ADAM8: variants seen among roughly 807,000 people sequenced by gnomAD.
The protein encoded by ADAM8 is disintegrin and metalloproteinase domain-containing protein 8.
ADAM8 carries 104 observed loss-of-function variants against 102.4 expected under a neutral mutation model. The observed-to-expected ratio is 1.02, with a 90% CI of 0.87 to 1.20. ADAM8 has a LOEUF of 1.20. Ranked by LOEUF, ADAM8 falls within the 50% of genes most tolerant of loss-of-function variation. The pLI is 0.00. For missense variants in ADAM8, 1,132 were observed against 1,159.0 expected, an observed-to-expected ratio of 0.98 and a Z score of 0.34; for synonymous variants, 517 against 485.2, an observed-to-expected ratio of 1.07 and a Z score of -0.86.
intron 19 of ADAM8, 38 bp from the exon 20 acceptor site, chr10:133,268,156 C>A: frequency 8.0e-7 from 1 of 1,251,014 alleles, no homozygotes; most frequent in Non-Finnish European, 1.0e-6. Context: ...CAGTGTCCGG[C>A]CATGGGGCCC....
chr10:133,267,116 AGC>A (rs1846347674), intron 21 of ADAM8, among the ~76,000 whole-genome samples: 1 of 152,098 alleles, frequency 6.6e-6, no homozygotes, highest in Admixed American at 6.5e-5. Context: ...AAGGAGAAGG[AGC>A]CAGGACCCCC....
In ADAM8 at chr10:133,263,718, C is replaced by G. The variant is rs764261411; in HGVS notation, c.2367G>C (p.Gly789=). 1.3e-5 allele frequency: 20 copies of G among 1,571,000 alleles called. No individual in the cohort carries two copies. Among genetic ancestry groups the G allele is most frequent in the Non-Finnish European group, 1.7e-5 (20 of 1,158,362 alleles). ...CTGGACCAGGGTTGGCCGCACCAGC[C>G]CCGGGTTTGACTGGGGGCACTGGGG... ...FAPPVPPVKP[G]AGAANPGPAE... Residue 789 remains glycine (G), a synonymous_variant, in exon 22 of 23, where the codon GGG becomes GGC. Coordinates refer to ENST00000445355, the MANE Select transcript of ADAM8 (RefSeq NM_001109.5).
At chr10:133,272,061 C>G in intron 10 of ADAM8, 107 bp from the exon 11 acceptor site, 1 of 1,545,816 alleles carries the variant, frequency 6.5e-7, no homozygotes. Flanking sequence ...CCAACACCAC[C>G]TTAAAACATA....
At position 133,273,978 on chromosome 10, in the gene ADAM8, G is replaced by A. The variant is rs200043685; in HGVS notation, c.279C>T (p.Ser93=). 6.0e-5 allele frequency: 96 copies of A among 1,606,052 alleles called. No homozygotes were observed. The highest frequency in any genetic ancestry group is 3.0e-4 in the Admixed American group (18 of 59,366). Residue 93 remains serine (S), a synonymous_variant, in exon 4 of 23, where the codon TCC becomes TCT. Coordinates refer to ENST00000445355, the MANE Select transcript of ADAM8 (RefSeq NM_001109.5). The part of the protein sequence containing the change: ...YTETYTAANG[S]EVTEQPRGQD... Reference sequence around the variant, plus strand: ...GCCCGCGAGGCTGCTCCGTCACCTCGGAGCCATTGGCAGCCGTATAGGTCT... The same window carrying A: ...GCCCGCGAGGCTGCTCCGTCACCTCAGAGCCATTGGCAGCCGTATAGGTCT...
rs79659580 is a variant in ADAM8 at position 133,263,177 on chromosome 10, G to A, written c.2454C>T (p.Ala818=). The part of the protein sequence containing the change: ...LKPPIQRKQG[A]GAPTAP ...CCCCCTAGGGTGCTGTGGGAGCTCCGGCTCCTTGCTTCCTCTGGATGGGGG... is the reference window on the plus strand; with the variant it reads ...CCCCCTAGGGTGCTGTGGGAGCTCCAGCTCCTTGCTTCCTCTGGATGGGGG... The change falls in exon 23 of 23, where the codon GCC becomes GCT. Residue 818 remains alanine, a synonymous_variant. Coordinates refer to ENST00000445355, the MANE Select transcript of ADAM8 (RefSeq NM_001109.5). 1.0e-4 allele frequency: 167 copies of A among 1,613,802 alleles called. No individual in the cohort carries two copies. The Admixed American group carries it at 1.2e-3, about 11-fold the overall frequency.
In ADAM8 at chr10:133,270,359, C is replaced by T; in HGVS notation, c.1785+1G>A. On this transcript the variant is annotated splice_donor_variant, in intron 16 of 22. Coordinates refer to ENST00000445355, the MANE Select transcript of ADAM8 (RefSeq NM_001109.5). LOFTEE classifies it high-confidence loss of function. ...GCGCGGCCTCTGAGCCAGGGGCTCA[C>T]CTTCTCTGGTCCACACCGGGTGCCC... 1 of 1,581,484 alleles carries T rather than the reference C, an allele frequency of 6.3e-7. No homozygotes were observed. Among genetic ancestry groups the T allele is most frequent in the Admixed American group, 1.7e-5 (1 of 58,338 alleles).
At chr10:133,272,906 C>A (rs760141802) in intron 7 of ADAM8, 40 bp from the exon 8 acceptor site, 2 of 1,611,398 alleles carry the variant, frequency 1.2e-6, no homozygotes, top group Non-Finnish European at 1.7e-6. Flanking sequence ...CCACACACCC[C>A]CCATGCCCCC....
chr10:133,274,127 C>G, intron 3 of ADAM8, 32 bp downstream of exon 3: 3 of 1,582,280 alleles, frequency 1.9e-6, no homozygotes, highest in East Asian at 2.3e-5. Flanking sequence ...GAGCCAGGCC[C>G]GGGCAGGGGG....
At position 133,271,272 on chromosome 10, in the gene ADAM8, G is replaced by A. The variant is rs1244450246; in HGVS notation, c.1302C>T (p.Cys434=). 15 of 1,610,690 alleles carry A rather than the reference G, an allele frequency of 9.3e-6. No homozygotes were observed. The highest frequency in any genetic ancestry group is 1.3e-5 in the Non-Finnish European group (15 of 1,179,696). Residue 434 remains cysteine, a synonymous_variant, in exon 13 of 23, where the codon TGC becomes TGT. Transcript: ENST00000445355. ...CCAGCTGGCAGGTGGTAGAGTTGCA[G>A]CAGCGGTTCCGGCAGTCCTGGGGCG... ...CGPPEDCRNR[C]CNSTTCQLAE...
At chr10:133,263,642 C>CACTCTCA in intron 22 of ADAM8, 46 bp downstream of exon 22, 1 of 1,481,918 alleles carries the variant, frequency 6.7e-7, no homozygotes, top group Non-Finnish European at 9.0e-7. Context: ...GAGGCCGTGC[C>CACTCTCA]GTCCATTGCA....
chr10:133,273,594 G>A, intron 5 of ADAM8, 151 bp from the exon 6 acceptor site: 1 of 1,260,718 alleles, frequency 7.9e-7, no homozygotes, highest in Non-Finnish European at 1.1e-6. Flanking sequence ...GGGTACAGGA[G>A]GGTGAGCCTC....
At chr10:133,267,866 G>C in intron 20 of ADAM8, 63 bp downstream of exon 20, 1 of 1,242,416 alleles carries the variant, frequency 8.0e-7, no homozygotes. Context: ...CTGCACTTGG[G>C]GTCGCAGGAT....
chr10:133,267,620 TTG>T (rs1166632929), intron 20 of ADAM8, among the ~76,000 whole-genome samples: 5 of 152,172 alleles, frequency 3.3e-5, no homozygotes, highest in African/African-American at 1.2e-4. Flanking sequence ...CGGAGAGCAT[TTG>T]TGTCTCGACA....
intron 1 of ADAM8, chr10:133,275,911 T>G: frequency 1.0e-4 from 28 of 277,498 alleles, no homozygotes; most frequent in Non-Finnish European, 1.1e-4. Flanking sequence ...AGGATGAACC[T>G]TCCCCCCAGG....
At chr10:133,266,358 T>C (rs2995308) in intron 21 of ADAM8, among the ~76,000 whole-genome samples, 135,154 of 152,128 alleles carry the variant, frequency 0.89, 60,106 homozygotes, top group East Asian at 0.94. Context: ...GCATGCAGGA[T>C]TCTCTAGGCT....
In ADAM8 at chr10:133,270,904, T is replaced by C; in HGVS notation, c.1541A>G (p.Gln514Arg). ...YNGACPTLAQ[Q>R]CQAFWGPGGQ... Reference sequence around the variant, plus strand: ...ACCTGGCCCCCAGAAGGCCTGGCACTGCTGGGCCAGTGTGGGACAGGCCCC... The same window carrying C: ...ACCTGGCCCCCAGAAGGCCTGGCACCGCTGGGCCAGTGTGGGACAGGCCCC... Residue 514 changes from glutamine to arginine, a missense_variant, in exon 14 of 23, where the codon CAG (glutamine) becomes CGG (arginine). Gln to Arg is a conservative substitution (Grantham distance 43). Transcript: ENST00000445355. The C allele has an allele frequency of 1.9e-6, 3 of 1,612,108 alleles. No individual in the cohort carries two copies. The highest frequency in any genetic ancestry group is 2.5e-6 in the Non-Finnish European group (3 of 1,179,474).
intron 2 of ADAM8, 80 bp from the exon 3 acceptor site, chr10:133,274,315 A>C: frequency 3.1e-6 from 4 of 1,307,310 alleles, no homozygotes; most frequent in Non-Finnish European, 4.0e-6. Context: ...AGAGAAGCTC[A>C]GCTGGGGGGG....
intron 4 of ADAM8, 36 bp from the exon 5 acceptor site, chr10:133,273,874 GC>G: frequency 6.4e-7 from 1 of 1,550,400 alleles, no homozygotes. Flanking sequence ...CACAGGCTGT[GC>G]CCCCATGGCC....
At chr10:133,274,366 T>C in intron 2 of ADAM8, 131 bp from the exon 3 acceptor site, 2 of 508,644 alleles carry the variant, frequency 3.9e-6, no homozygotes, top group Non-Finnish European at 5.9e-6. Context: ...GGCTCCATCC[T>C]GGAGGGTCCA....
Sources: gnomAD v4.1 joint callset for allele counts (sites outside exome capture counted in the v4.1 genomes callset) on GRCh38, gnomAD v4.1.1 for gene constraint, MANE v1.5 for transcripts, NCBI Gene and HGNC (gene_info 2026-07-23, HGNC 2026-07-21) for gene names.